DNAJC10: variants seen among roughly 807,000 people sequenced by gnomAD.
The protein encoded by DNAJC10 is endoplasmic reticulum disulfide reductase DNAJC10.
Under a neutral mutation model 115.0 loss-of-function variants are expected in DNAJC10, and 101 were observed. That is an observed-to-expected ratio of 0.88 (90% CI 0.75 to 1.04). DNAJC10 has a LOEUF of 1.04. DNAJC10 is among the 50% of genes least tolerant of loss of function. DNAJC10 has a pLI of 0.00. For missense variants in DNAJC10, 981 were observed against 928.8 expected (o/e 1.06, Z -0.73); for synonymous variants, 307 against 301.5 (o/e 1.02, Z -0.19).
In DNAJC10 at chr2:182,782,395, A is replaced by C. The variant is rs1473830262; in HGVS notation, c.*5263A>C. ...TTTTGCTTAGGATTGCCTTGGCTAT[A>C]TGGGCTCTTTTTTTTTTGGTTCCAT... On this transcript the variant is annotated 3_prime_UTR_variant, in exon 24 of 24. Coordinates refer to ENST00000264065, the MANE Select transcript of DNAJC10 (RefSeq NM_018981.4). 1.3e-5 allele frequency: 2 copies of C among 150,722 alleles called. No homozygotes were observed. Among genetic ancestry groups the C allele is most frequent in the African/African-American group, 4.9e-5 (2 of 41,064 alleles). The allele number at this position is 150,722 out of a possible 1,614,324, so 9.3% of individuals were successfully genotyped here.
At position 182,786,147 on chromosome 2, in the gene DNAJC10, T is replaced by C. The variant is rs1035382078; in HGVS notation, c.*9015T>C. 4 of 152,304 alleles carry C rather than the reference T, an allele frequency of 2.6e-5. No individual in the cohort carries two copies. In the East Asian group the frequency reaches 5.8e-4, roughly 22 times the overall value. The allele number at this position is 152,304 out of a possible 1,614,324, so 9.4% of individuals were successfully genotyped here. On this transcript the variant is annotated 3_prime_UTR_variant, in exon 24 of 24. Transcript: ENST00000264065. ...GTTTTAATTTCAGAAACGCAAAATA[T>C]TGTTTTTACAACTAAGATAACATTG...
rs532528694 is a variant in DNAJC10, at chr2:182,731,917, A to G, written c.806-582A>G. 5.9e-4 allele frequency among the ~76,000 whole-genome samples: 90 copies of G among 152,272 alleles called. 3 individuals carry two copies. In the South Asian group the frequency reaches 0.018, roughly 31 times the overall value. ...TGCCCAAATTTCTGTTCATCCACAC[A>G]TGAACAAAAGTTCTTACATTCTCTG... On this transcript the variant is annotated intron_variant, in intron 9 of 23. Coordinates refer to ENST00000264065, the MANE Select transcript of DNAJC10 (RefSeq NM_018981.4).
intron 5 of DNAJC10, among the ~76,000 whole-genome samples, chr2:182,725,316 A>G (rs1291010803): frequency 6.6e-6 from 1 of 152,176 alleles, no homozygotes; most frequent in Admixed American, 6.5e-5. Flanking sequence ...TTAAGTGTTG[A>G]AGTGGAAGAG....
At chr2:182,765,054 A>T (rs975062176) in intron 22 of DNAJC10, among the ~76,000 whole-genome samples, 1 of 152,154 alleles carries the variant, frequency 6.6e-6, no homozygotes. Context: ...GCCAGTCCGT[A>T]CTCAGACAGC....
intron 10 of DNAJC10, among the ~76,000 whole-genome samples, chr2:182,735,022 T>G (rs371827205): frequency 2.0e-5 from 3 of 151,682 alleles, no homozygotes; most frequent in Non-Finnish European, 3.0e-5. Context: ...CATTTACATT[T>G]AATGTTATTC....
At chr2:182,736,205 TGCCTCCCA>T (rs1559004641) in intron 10 of DNAJC10, 36 bp from the exon 11 acceptor site, 2 of 1,526,296 alleles carry the variant, frequency 1.3e-6, no homozygotes, top group Admixed American at 2.5e-5. Flanking sequence ...TTTAACTTTT[TGCCTCCCA>T]TTTACAACAT....
intron 23 of DNAJC10, 48 bp from the exon 24 acceptor site, chr2:182,777,073 C>A: frequency 8.0e-7 from 1 of 1,248,440 alleles, no homozygotes; most frequent in South Asian, 2.0e-5. Context: ...TTAACATTAC[C>A]AACTCATACT....
rs772215173 is a variant in DNAJC10 at position 182,722,001 on chromosome 2, A to AT, written c.368-19dup. 3.7e-6 allele frequency: 5 copies of AT among 1,353,136 alleles called. No homozygotes were observed. The East Asian group carries it at 1.2e-4, about 33-fold the overall frequency. 83.8% of individuals were successfully genotyped at this position (1,353,136 alleles called of 1,614,324 possible). A position where few individuals can be genotyped will look rare whatever the true frequency, so the allele number is the denominator to read the frequency against. ...TATATGGTGAAGTTTTGATTTTATA[A>AT]TTTTTATATACTTTTAAAATTAGGT... On this transcript the variant is annotated intron_variant, in intron 4 of 23. Coordinates refer to ENST00000264065, the MANE Select transcript of DNAJC10 (RefSeq NM_018981.4).
At position 182,732,559 on chromosome 2, in the gene DNAJC10, T is replaced by A; in HGVS notation, c.849+17T>A. 2 of 1,611,488 alleles carry A rather than the reference T, an allele frequency of 1.2e-6. No homozygotes were observed. The highest frequency in any genetic ancestry group is 1.7e-6 in the Non-Finnish European group (2 of 1,177,992). On this transcript the variant is annotated intron_variant, in intron 10 of 23. Coordinates refer to ENST00000264065, the MANE Select transcript of DNAJC10 (RefSeq NM_018981.4). ...GGCATGTTGGTAAGCATCAATCATT[T>A]TGTAAAACTATATCACCATGTAAAG...
At chr2:182,740,617 G>C (rs1693709250) in intron 12 of DNAJC10, among the ~76,000 whole-genome samples, 1 of 152,066 alleles carries the variant, frequency 6.6e-6, no homozygotes, top group Non-Finnish European at 1.5e-5. Context: ...CTGAAGGTGG[G>C]CTTCAAAAGG....
chr2:182,719,250 CTTTTTTTTTTT>C (rs57284693), intron 3 of DNAJC10, among the ~76,000 whole-genome samples: 2 of 83,684 alleles, frequency 2.4e-5, no homozygotes, highest in South Asian at 4.3e-4. Context: ...GGATTGTTTT[CTTTTTTTTTTT>C]TTTTTTTTTT....
At chr2:182,728,746 A>T in intron 6 of DNAJC10, 88 bp downstream of exon 6, 1 of 1,491,078 alleles carries the variant, frequency 6.7e-7, no homozygotes, top group East Asian at 2.3e-5. Flanking sequence ...ATGAATAGTA[A>T]TCAAAAATAA....
intron 21 of DNAJC10, among the ~76,000 whole-genome samples, chr2:182,762,370 AAGAT>A (rs1234580764): frequency 6.6e-6 from 1 of 152,058 alleles, no homozygotes; most frequent in Non-Finnish European, 1.5e-5. Context: ...AAAGGAGAAA[AAGAT>A]AGAAACAGAA....
At chr2:182,757,626 A>G (rs1040920056) in intron 18 of DNAJC10, 66 bp from the exon 19 acceptor site, 114 of 1,240,834 alleles carry the variant, frequency 9.2e-5, no homozygotes, top group Middle Eastern at 2.6e-4. Context: ...TAATAATACA[A>G]TGCTTATTTC....
At chr2:182,741,486 C>T (rs1300320356) in intron 13 of DNAJC10, 130 bp downstream of exon 13, 2 of 472,976 alleles carry the variant, frequency 4.2e-6, no homozygotes, top group African/African-American at 2.0e-5. Context: ...TGCTTTTAGT[C>T]TTGGTTTGTG....
At chr2:182,754,639 TA>T (rs1278576409) in intron 16 of DNAJC10, 98 of 407,218 alleles carry the variant, frequency 2.4e-4, no homozygotes, top group Middle Eastern at 2.3e-3. Context: ...TATTATGGTT[TA>T]AAAAAAAGAC....
intron 14 of DNAJC10, among the ~76,000 whole-genome samples, chr2:182,749,774 GT>G (rs1693968401): frequency 6.6e-6 from 1 of 152,172 alleles, no homozygotes; most frequent in Non-Finnish European, 1.5e-5. Context: ...AAACTCAGTG[GT>G]TTAAAACAAA....
intron 22 of DNAJC10, among the ~76,000 whole-genome samples, chr2:182,769,982 G>A (rs560106564): frequency 2.0e-5 from 3 of 152,238 alleles, no homozygotes; most frequent in African/African-American, 7.2e-5. Context: ...AATCCATCTT[G>A]AATTAATTTT....
intron 23 of DNAJC10, among the ~76,000 whole-genome samples, chr2:182,776,169 T>A (rs1340138628): frequency 2.0e-5 from 3 of 152,168 alleles, no homozygotes; most frequent in Non-Finnish European, 4.4e-5. Context: ...TGGCCATAAA[T>A]TATTTAAATT....
Sources: gnomAD v4.1 joint callset for allele counts (sites outside exome capture counted in the v4.1 genomes callset) on GRCh38, gnomAD v4.1.1 for gene constraint, MANE v1.5 for transcripts, NCBI Gene and HGNC (gene_info 2026-07-23, HGNC 2026-07-21) for gene names.